Variants in WWTR1 observed in about 807,000 individuals in gnomAD.
WWTR1 encodes the protein WW domain-containing transcription regulator protein 1.
WWTR1 carries 13 observed loss-of-function variants against 40.1 expected under a neutral mutation model. That is an observed-to-expected ratio of 0.32 (90% CI 0.21 to 0.52). The LOEUF (loss-of-function observed/expected upper bound fraction) is 0.52. WWTR1 is among the 20% of genes least tolerant of loss of function. The probability of loss-of-function intolerance (pLI) is 0.97; values close to 1 mark genes in which losing one functional copy is unlikely to be tolerated. For missense variants in WWTR1, 436 were observed against 523.1 expected (o/e 0.83, Z 1.63); for synonymous variants, 230 against 210.1 (o/e 1.09, Z -0.82).
chr3:149,601,368 T>C (rs550761121), intron 2 of WWTR1, among the ~76,000 whole-genome samples: 2 of 152,264 alleles, frequency 1.3e-5, no homozygotes, highest in South Asian at 4.1e-4. Context: ...TGGCTAATTA[T>C]TGTATTTTTA....
intron 2 of WWTR1, among the ~76,000 whole-genome samples, chr3:149,576,717 A>G (rs1467695828): frequency 6.6e-6 from 1 of 152,186 alleles, no homozygotes. Flanking sequence ...CAAACTATTT[A>G]TGGTGATATA....
intron 5 of WWTR1, among the ~76,000 whole-genome samples, chr3:149,716,787 C>T (rs1715615707): frequency 1.3e-5 from 2 of 151,718 alleles, no homozygotes; most frequent in African/African-American, 4.8e-5. Context: ...AGGATATGTC[C>T]AGAAGAATTA....
chr3:149,697,054 T>C (rs1715016480), intron 1 of WWTR1, among the ~76,000 whole-genome samples: 1 of 152,210 alleles, frequency 6.6e-6, no homozygotes, highest in Non-Finnish European at 1.5e-5. Flanking sequence ...GAGTTGATGG[T>C]GCTCCAGTAA....
intron 2 of WWTR1, among the ~76,000 whole-genome samples, chr3:149,625,409 C>T (rs796285421): frequency 3.0e-4 from 45 of 151,440 alleles, no homozygotes; most frequent in African/African-American, 9.9e-4. Context: ...TGAGCCACTG[C>T]GCCCGGCCAA....
At chr3:149,719,852 C>A (rs546501457) in intron 4 of WWTR1, among the ~76,000 whole-genome samples, 59 of 152,260 alleles carry the variant, frequency 3.9e-4, no homozygotes, top group South Asian at 1.2e-3. Flanking sequence ...ACTTGCATTT[C>A]CATAATGATT....
chr3:149,590,801 C>T (rs900662014), intron 2 of WWTR1, among the ~76,000 whole-genome samples: 24 of 152,118 alleles, frequency 1.6e-4, no homozygotes, highest in African/African-American at 5.8e-4. Context: ...AAGAGGCTGA[C>T]GTGCATAACT....
chr3:149,696,450 G>A (rs186984057), intron 1 of WWTR1, among the ~76,000 whole-genome samples: 25 of 152,262 alleles, frequency 1.6e-4, no homozygotes, highest in African/African-American at 5.5e-4. Flanking sequence ...AGTACTAATA[G>A]TATCCCCATT....
chr3:149,534,078 G>C (rs1176428566), intron 4 of WWTR1, among the ~76,000 whole-genome samples: 1 of 152,156 alleles, frequency 6.6e-6, no homozygotes, highest in East Asian at 1.9e-4. Context: ...GCTGAGGCAG[G>C]AGAATTGCTT....
At chr3:149,564,894 T>C (rs2107982104) in intron 3 of WWTR1, among the ~76,000 whole-genome samples, 1 of 152,318 alleles carries the variant, frequency 6.6e-6, no homozygotes, top group African/African-American at 2.4e-5. Context: ...CTTATAAATA[T>C]ATTTGTGGCT....
chr3:149,564,445 T>C (rs7647153), intron 3 of WWTR1, among the ~76,000 whole-genome samples: 27,258 of 151,572 alleles, frequency 0.18, 3,561 homozygotes, highest in East Asian at 0.72. Flanking sequence ...GTTCTCCTCT[T>C]CCACCACAAA....
At chr3:149,573,190 G>A (rs1248894924) in intron 2 of WWTR1, among the ~76,000 whole-genome samples, 190 bp from the exon 3 acceptor site, 1 of 152,094 alleles carries the variant, frequency 6.6e-6, no homozygotes, top group East Asian at 1.9e-4. Flanking sequence ...AGGCCACACT[G>A]GGGATTCTGC....
chr3:149,607,842 G>A (rs1576593786), intron 2 of WWTR1, among the ~76,000 whole-genome samples: 1 of 152,278 alleles, frequency 6.6e-6, no homozygotes, highest in East Asian at 1.9e-4. Flanking sequence ...ACATTACTCA[G>A]AGATTTCCCA....
chr3:149,628,742 ATT>A (rs762439346), intron 2 of WWTR1, among the ~76,000 whole-genome samples: 3 of 37,154 alleles, frequency 8.1e-5, no homozygotes, highest in Non-Finnish European at 3.0e-4. Flanking sequence ...TATTTTTTTT[ATT>A]TTATTTTATT....
chr3:149,701,329 G>A (rs1237953582), intron 1 of WWTR1, among the ~76,000 whole-genome samples: 1 of 152,090 alleles, frequency 6.6e-6, no homozygotes, highest in East Asian at 1.9e-4. Context: ...GGAGTTTAAG[G>A]CCTTTCCGAT....
chr3:149,572,118 T>G (rs1404925911), intron 3 of WWTR1, among the ~76,000 whole-genome samples: 1 of 152,272 alleles, frequency 6.6e-6, no homozygotes, highest in East Asian at 1.9e-4. Context: ...CCTTCTAAAA[T>G]CAGACTAGCC....
intron 5 of WWTR1, among the ~76,000 whole-genome samples, chr3:149,712,700 A>G (rs535176145): frequency 1.3e-5 from 2 of 152,364 alleles, no homozygotes; most frequent in African/African-American, 4.8e-5. Context: ...GCTAATTCCT[A>G]TGGAATAGTA....
rs1734926581 is a variant in WWTR1 at position 149,519,202 on chromosome 3, T to C, written c.*1603A>G. 1 of 152,196 alleles carries C rather than the reference T, an allele frequency of 6.6e-6. No individual in the cohort carries two copies. The highest frequency in any genetic ancestry group is 1.5e-5 in the Non-Finnish European group (1 of 68,038). 9.4% of individuals were successfully genotyped at this position (152,196 alleles called of 1,614,324 possible). On this transcript the variant is annotated 3_prime_UTR_variant, in exon 7 of 7. Transcript: ENST00000360632. ...ACTGCATGCCAGTTGAACATGATGC[T>C]CTCTCAGTCCTTAAAAGCTAATTAA...
upstream of WWTR1, chr3:149,658,200 G>GGGTA (rs1409724189): frequency 1.3e-5 from 2 of 153,142 alleles, no homozygotes. Context: ...TGGGCGTGAT[G>GGGTA]GGTACTTTAC....
chr3:149,625,963 T>G (rs1740527396), intron 2 of WWTR1, among the ~76,000 whole-genome samples: 1 of 152,264 alleles, frequency 6.6e-6, no homozygotes, highest in East Asian at 1.9e-4. Flanking sequence ...AGTCCCTCCC[T>G]TCCTAGACGT....
Sources: gnomAD v4.1 joint callset for allele counts (sites outside exome capture counted in the v4.1 genomes callset) on GRCh38, gnomAD v4.1.1 for gene constraint, MANE v1.5 for transcripts, NCBI Gene and HGNC (gene_info 2026-07-23, HGNC 2026-07-21) for gene names.